PRAMEF20: variants seen among roughly 807,000 people sequenced by gnomAD.
The protein encoded by PRAMEF20 is PRAME family member 20/21.
PRAMEF20 carries 27 observed loss-of-function variants against 32.4 expected under a neutral mutation model. The ratio of observed to expected loss-of-function variants is 0.83; its 90% CI spans 0.61 to 1.15. The LOEUF (loss-of-function observed/expected upper bound fraction) is 1.15, where lower values mean the gene tolerates loss of function less well. Ranked by LOEUF, PRAMEF20 falls within the 50% of genes most tolerant of loss-of-function variation. The pLI is 0.00. For synonymous variants in PRAMEF20, 256 were observed against 235.4 expected (o/e 1.09, Z -0.80); for missense variants, 604 against 584.5 (o/e 1.03, Z -0.34).
upstream of PRAMEF20, among the ~76,000 whole-genome samples, chr1:13,411,696 TTAA>T (rs1161763908): frequency 6.6e-6 from 1 of 152,176 alleles, no homozygotes; most frequent in Non-Finnish European, 1.5e-5. Context: ...ATTCCATTTC[TTAA>T]TAATATCTCT....
upstream of PRAMEF20, among the ~76,000 whole-genome samples, chr1:13,413,748 C>G (rs971162938): frequency 6.6e-6 from 1 of 151,998 alleles, no homozygotes; most frequent in Non-Finnish European, 1.5e-5. Context: ...AGACCTGAGG[C>G]CTGGAGTTAC....
chr1:13,418,281 G>A, exon 2 of PRAMEF20: 2 of 1,613,848 alleles, frequency 1.2e-6, no homozygotes, highest in Non-Finnish European at 1.7e-6. Flanking sequence ...CCTTGACTGT[G>A]TTCATAGACC....
In PRAMEF20 at chr1:13,421,054, C is replaced by A. The variant is rs928129106; in HGVS notation, c.1224C>A (p.Cys408Ter). 8.1e-6 allele frequency: 13 copies of A among 1,613,904 alleles called. No homozygotes were observed. In the South Asian group the frequency reaches 1.3e-4, roughly 16 times the overall value. ...ACACAATCAGACTCAACAACTTATGCCTGGAGCTGTATCCTGCCCCGCGGG... is the reference window on the plus strand; with the variant it reads ...ACACAATCAGACTCAACAACTTATGACTGGAGCTGTATCCTGCCCCGCGGG... The change falls in exon 3 of 3, where the codon TGC becomes TGA. Residue 408 changes from cysteine (C) to a stop codon, truncating the protein, a stop_gained. Coordinates refer to ENST00000602960, the Ensembl canonical transcript of PRAMEF20. LOFTEE classifies it high-confidence loss of function.
chr1:13,416,761 G>T (rs976246097), intron 1 of PRAMEF20, 120 bp downstream of exon 2: 15 of 1,570,244 alleles, frequency 9.6e-6, no homozygotes, highest in Non-Finnish European at 1.3e-5. Context: ...TTTTGGTGAG[G>T]AAGCTTAGAG....
At chr1:13,418,513 T>C (rs1641207805) in exon 2 of PRAMEF20, 2 of 1,613,974 alleles carry the variant, frequency 1.2e-6, no homozygotes, top group Non-Finnish European at 1.7e-6. Flanking sequence ...GTTTACCCCA[T>C]ACCTCGGCCA....
upstream of PRAMEF20, among the ~76,000 whole-genome samples, chr1:13,411,907 T>A (rs1272047462): frequency 6.6e-6 from 1 of 152,092 alleles, no homozygotes; most frequent in Non-Finnish European, 1.5e-5. Flanking sequence ...CAGTGGTAAT[T>A]TTTGCCCACC....
intron 1 of PRAMEF20, among the ~76,000 whole-genome samples, chr1:13,417,908 A>AG (rs1553130353): frequency 0.073 from 3,111 of 42,520 alleles, 136 homozygotes; most frequent in African/African-American, 0.16. Context: ...CGCCCGGCTA[A>AG]TTTGTGTGTG....
intron 2 of PRAMEF20, among the ~76,000 whole-genome samples, chr1:13,419,141 A>T (rs1641215708): frequency 6.6e-6 from 1 of 152,268 alleles, no homozygotes; most frequent in South Asian, 2.1e-4. Flanking sequence ...AATAAATAAA[A>T]AATACAAACA....
At chr1:13,412,752 T>C (rs2100428053), upstream of PRAMEF20, among the ~76,000 whole-genome samples, 1 of 152,272 alleles carries the variant, frequency 6.6e-6, no homozygotes, top group Non-Finnish European at 1.5e-5. Context: ...CACATCCTCA[T>C]TGTAACTCTT....
At chr1:13,411,334 TCC>T in the PRAMEF20 span, among the ~76,000 whole-genome samples, 1 of 139,746 alleles carries the variant, frequency 7.2e-6, no homozygotes, top group Non-Finnish European at 1.5e-5. Context: ...TCTGGCCCCC[TCC>T]CCCCCACCGC....
chr1:13,417,910 T>TGTGTGTGTGGGTG (rs1369049111), intron 1 of PRAMEF20, among the ~76,000 whole-genome samples: 1 of 124,218 alleles, frequency 8.1e-6, no homozygotes, highest in Admixed American at 8.6e-5. Flanking sequence ...CCCGGCTAAT[T>TGTGTGTGTGGGTG]TGTGTGTGTG....
At chr1:13,416,678 G>A (rs1295600005) in intron 1 of PRAMEF20, 37 bp downstream of exon 2, 4 of 1,613,544 alleles carry the variant, frequency 2.5e-6, no homozygotes, top group African/African-American at 1.3e-5. Flanking sequence ...GGAGGGCCCA[G>A]GTGTCCAACA....
chr1:13,421,251 G>T (rs1641241181), exon 3 of PRAMEF20: 1 of 1,613,732 alleles, frequency 6.2e-7, no homozygotes, highest in Non-Finnish European at 8.5e-7. Flanking sequence ...GATCGGTGTT[G>T]CTGTTGAATG....
At chr1:13,421,099 T>C (rs1641238601) in exon 3 of PRAMEF20, 1 of 1,613,720 alleles carries the variant, frequency 6.2e-7, no homozygotes, top group Non-Finnish European at 8.5e-7. Context: ...ATGTTCGTGG[T>C]ATCGTCTGCC....
rs1212017066 is a variant in PRAMEF20, at chr1:13,417,908, ATTTGTGTGTGTGTGTGTG to A, written c.288-212_288-195del. 1.4e-4 allele frequency among the ~76,000 whole-genome samples: 6 copies of A among 42,504 alleles called. No individual in the cohort carries two copies. The East Asian group carries it at 2.8e-3, about 20-fold the overall frequency. The allele number at this position is 42,504 out of a possible 152,430, so 27.9% of individuals were successfully genotyped here. On this transcript the variant is annotated intron_variant, in intron 1 of 2. Transcript: ENST00000602960. ...AGGCGCCCGCCACCACGCCCGGCTAATTTGTGTGTGTGTGTGTGTGTGTGTGTGTGTGTGTGTGTGTGT... is the reference window on the plus strand; with the variant it reads ...AGGCGCCCGCCACCACGCCCGGCTAATGTGTGTGTGTGTGTGTGTGTGTGT...
Sources: gnomAD v4.1 joint callset for allele counts (sites outside exome capture counted in the v4.1 genomes callset) on GRCh38, gnomAD v4.1.1 for gene constraint, MANE v1.5 for transcripts, NCBI Gene and HGNC (gene_info 2026-07-23, HGNC 2026-07-21) for gene names.